Variants in ADAMTS12 observed in about 807,000 individuals in gnomAD.
ADAMTS12 encodes ADAM metallopeptidase with thrombospondin type 1 motif 12.
Under a neutral mutation model 167.8 loss-of-function variants are expected in ADAMTS12, and 118 were observed. The ratio of observed to expected loss-of-function variants is 0.70; its 90% CI spans 0.61 to 0.82. ADAMTS12 has a LOEUF of 0.82. Among genes scored for constraint, ADAMTS12 ranks in the 40% least tolerant of loss-of-function variants. The pLI, the probability that ADAMTS12 is intolerant of heterozygous loss-of-function variation, is 0.00. For synonymous variants in ADAMTS12, 704 were observed against 716.9 expected (o/e 0.98, Z 0.29); for missense variants, 1,916 against 1,998.8 (o/e 0.96, Z 0.79).
At chr5:33,669,732 T>C (rs1427662115) in intron 5 of ADAMTS12, among the ~76,000 whole-genome samples, 1 of 151,648 alleles carries the variant, frequency 6.6e-6, no homozygotes, top group Non-Finnish European at 1.5e-5. Flanking sequence ...ATTATTTGCA[T>C]TTGGGAAAAT....
chr5:33,884,899 T>C (rs1275538258), intron 1 of ADAMTS12, among the ~76,000 whole-genome samples: 1 of 152,212 alleles, frequency 6.6e-6, no homozygotes, highest in Non-Finnish European at 1.5e-5. Flanking sequence ...AGATTATTTT[T>C]TCCAAAAGCC....
chr5:33,609,940 G>C (rs2112079910), intron 16 of ADAMTS12, among the ~76,000 whole-genome samples: 1 of 152,306 alleles, frequency 6.6e-6, no homozygotes, highest in Non-Finnish European at 1.5e-5. Flanking sequence ...AGCACTTTGG[G>C]AGGCCAAAGT....
chr5:33,698,514 C>CAAT (rs1359325408), intron 3 of ADAMTS12, among the ~76,000 whole-genome samples: 1 of 152,172 alleles, frequency 6.6e-6, no homozygotes, highest in African/African-American at 2.4e-5. Context: ...ATATTCTTCT[C>CAAT]AATAATAATA....
At chr5:33,544,544 G>T (rs1028761898) in intron 22 of ADAMTS12, among the ~76,000 whole-genome samples, 3 of 152,146 alleles carry the variant, frequency 2.0e-5, no homozygotes, top group African/African-American at 7.2e-5. Flanking sequence ...AAAAGAGCCT[G>T]CAGTGCCAAG....
intron 20 of ADAMTS12, among the ~76,000 whole-genome samples, chr5:33,558,170 A>G (rs957461370): frequency 6.6e-6 from 1 of 152,178 alleles, no homozygotes; most frequent in Non-Finnish European, 1.5e-5. Flanking sequence ...GTCCGTGGAA[A>G]AAGAATTTTG....
At chr5:33,626,683 G>T (rs1436417789) in intron 13 of ADAMTS12, among the ~76,000 whole-genome samples, 1 of 150,898 alleles carries the variant, frequency 6.6e-6, no homozygotes, top group Non-Finnish European at 1.5e-5. Flanking sequence ...TGATTTGATG[G>T]TGGTAGTGGT....
At chr5:33,808,346 G>C (rs1461677709) in intron 2 of ADAMTS12, among the ~76,000 whole-genome samples, 4 of 152,112 alleles carry the variant, frequency 2.6e-5, no homozygotes, top group African/African-American at 9.7e-5. Flanking sequence ...TAAAAATTCT[G>C]ATCTCCGTTA....
chr5:33,811,055 T>C (rs776101016), intron 2 of ADAMTS12, among the ~76,000 whole-genome samples: 10 of 152,182 alleles, frequency 6.6e-5, no homozygotes, highest in Admixed American at 5.2e-4. Flanking sequence ...AAGACCAAAA[T>C]ATAAGTCTTG....
At chr5:33,564,672 G>A (rs548594896) in intron 19 of ADAMTS12, among the ~76,000 whole-genome samples, 1 of 152,242 alleles carries the variant, frequency 6.6e-6, no homozygotes, top group African/African-American at 2.4e-5. Flanking sequence ...TCATCTATTG[G>A]GCACCATTGG....
chr5:33,819,552 GTTTGTT>G (rs996522299), intron 2 of ADAMTS12, among the ~76,000 whole-genome samples: 35 of 152,018 alleles, frequency 2.3e-4, no homozygotes, highest in Admixed American at 1.1e-3. Flanking sequence ...GCTATTTGCA[GTTTGTT>G]TTTGTTTTTG....
At chr5:33,672,471 A>AC (rs1413585332) in intron 5 of ADAMTS12, among the ~76,000 whole-genome samples, 15 of 152,238 alleles carry the variant, frequency 9.9e-5, no homozygotes, top group African/African-American at 3.6e-4. Context: ...AAAGCTTATT[A>AC]GAGTTGAAGC....
chr5:33,729,526 T>C (rs1744101768), intron 3 of ADAMTS12, among the ~76,000 whole-genome samples: 1 of 152,252 alleles, frequency 6.6e-6, no homozygotes. Context: ...AAGACCTAAC[T>C]GGCTTTGTCT....
chr5:33,744,526 T>G (rs1744711735), intron 3 of ADAMTS12, among the ~76,000 whole-genome samples: 1 of 152,152 alleles, frequency 6.6e-6, no homozygotes, highest in African/African-American at 2.4e-5. Context: ...GATTTGTGTT[T>G]TGGAAATATT....
At chr5:33,632,605 C>A (rs935213570) in intron 12 of ADAMTS12, among the ~76,000 whole-genome samples, 1 of 152,068 alleles carries the variant, frequency 6.6e-6, no homozygotes, top group Non-Finnish European at 1.5e-5. Flanking sequence ...TTGTGTAGCT[C>A]CATTTCTGGT....
At chr5:33,621,166 G>A (rs893342513) in intron 14 of ADAMTS12, among the ~76,000 whole-genome samples, 1 of 152,120 alleles carries the variant, frequency 6.6e-6, no homozygotes, top group Non-Finnish European at 1.5e-5. Flanking sequence ...TTGGGAGGCC[G>A]AGATGGGTGG....
chr5:33,738,038 G>T (rs1744430477), intron 3 of ADAMTS12, among the ~76,000 whole-genome samples: 1 of 152,172 alleles, frequency 6.6e-6, no homozygotes, highest in African/African-American at 2.4e-5. Context: ...CTTAACTTCA[G>T]GCTACCCTGG....
At chr5:33,814,944 G>C (rs1405785760) in intron 2 of ADAMTS12, among the ~76,000 whole-genome samples, 1 of 152,180 alleles carries the variant, frequency 6.6e-6, no homozygotes, top group Non-Finnish European at 1.5e-5. Context: ...AATAGGAAAA[G>C]GAGTAATGAG....
At chr5:33,877,433 G>A (rs748081098) in intron 2 of ADAMTS12, among the ~76,000 whole-genome samples, 2 of 152,196 alleles carry the variant, frequency 1.3e-5, no homozygotes, top group Middle Eastern at 3.4e-3. Flanking sequence ...GAACCAATTT[G>A]GTAGTGCTCC....
chr5:33,721,111 C>G (rs1743789931), intron 3 of ADAMTS12, among the ~76,000 whole-genome samples: 1 of 152,124 alleles, frequency 6.6e-6, no homozygotes, highest in Admixed American at 6.5e-5. Context: ...AGAAAAAAGC[C>G]AGACACGAGA....
Sources: allele counts gnomAD v4.1 joint callset (sites outside exome capture counted in the v4.1 genomes callset), GRCh38; gene constraint gnomAD v4.1.1; transcripts MANE v1.5; gene names NCBI Gene and HGNC (gene_info 2026-07-23, HGNC 2026-07-21).